CANX: variants seen among roughly 807,000 people sequenced by gnomAD.
The protein encoded by CANX is calnexin, also known as epididymis secretory sperm binding protein.
Under a neutral mutation model 75.7 loss-of-function variants are expected in CANX, and 14 were observed. The observed-to-expected ratio is 0.19, with a 90% CI of 0.12 to 0.29. The LOEUF (loss-of-function observed/expected upper bound fraction) is 0.29. Among genes scored for constraint, CANX ranks in the 10% least tolerant of loss-of-function variants. The pLI is 1.00. For missense variants in CANX, 567 were observed against 713.2 expected (o/e 0.79, Z 2.34); for synonymous variants, 227 against 236.9 (o/e 0.96, Z 0.38).
intron 7 of CANX, among the ~76,000 whole-genome samples, chr5:179,715,487 G>A (rs1777878574): frequency 6.6e-6 from 1 of 151,526 alleles, no homozygotes; most frequent in Non-Finnish European, 1.5e-5. Context: ...GCAGTTAGCC[G>A]AGATCACACC....
At chr5:179,713,855 C>T (rs1339984278) in intron 7 of CANX, among the ~76,000 whole-genome samples, 1 of 152,140 alleles carries the variant, frequency 6.6e-6, no homozygotes, top group African/African-American at 2.4e-5. Context: ...TTCGAGATTG[C>T]AGTGAGCTAT....
intron 12 of CANX, among the ~76,000 whole-genome samples, chr5:179,724,053 C>A (rs975123602): frequency 3.3e-5 from 5 of 151,964 alleles, no homozygotes; most frequent in African/African-American, 9.7e-5. Context: ...TAAAAAAAAA[C>A]AATAAACTTA....
chr5:179,696,267 CTTTTTTTTT>C (rs34048949), upstream of CANX, among the ~76,000 whole-genome samples: 4,347 of 57,510 alleles, frequency 0.076, 97 homozygotes, highest in Middle Eastern at 0.13. Flanking sequence ...AGTGTCATTT[CTTTTTTTTT>C]TTTTTTTTTT....
At chr5:179,691,453 TC>T (rs1435956471) in intron 1 of CANX, among the ~76,000 whole-genome samples, 13 of 152,008 alleles carry the variant, frequency 8.6e-5, no homozygotes, top group Non-Finnish European at 2.9e-5. Context: ...ATGCCTGTAA[TC>T]CCAGCATTTT....
intron 8 of CANX, among the ~76,000 whole-genome samples, chr5:179,719,182 G>A (rs751711429): frequency 2.0e-5 from 3 of 152,184 alleles, no homozygotes; most frequent in East Asian, 3.8e-4. Context: ...TTGAGAAACT[G>A]CCAAACTGTT....
intron 1 of CANX, among the ~76,000 whole-genome samples, chr5:179,687,073 G>A (rs1018986824): frequency 1.1e-4 from 16 of 151,932 alleles, no homozygotes; most frequent in African/African-American, 3.4e-4. Context: ...CACTGCACCC[G>A]GCCTGCAGTT....
At chr5:179,719,158 T>G (rs1778150911) in intron 8 of CANX, among the ~76,000 whole-genome samples, 1 of 152,248 alleles carries the variant, frequency 6.6e-6, no homozygotes, top group African/African-American at 2.4e-5. Flanking sequence ...CTGGGTCATG[T>G]GGTAACTAAC....
At chr5:179,687,382 C>T (rs776696168) in intron 1 of CANX, among the ~76,000 whole-genome samples, 28 of 152,132 alleles carry the variant, frequency 1.8e-4, no homozygotes, top group Non-Finnish European at 3.8e-4. Flanking sequence ...GGATGACAGG[C>T]GTGAGCCACC....
chr5:179,684,531 G>T (rs1283682035), intron 1 of CANX, among the ~76,000 whole-genome samples: 1 of 151,280 alleles, frequency 6.6e-6, no homozygotes, highest in Admixed American at 6.6e-5. Context: ...TAGTAGAGAC[G>T]GGGTTTCACT....
rs779184219 is a variant in CANX at position 179,730,447 on chromosome 5, G to C, written c.*1803G>C. The C allele has an allele frequency of 6.6e-6, 1 of 152,164 alleles. No individual in the cohort carries two copies. Among genetic ancestry groups the C allele is most frequent in the Non-Finnish European group, 1.5e-5 (1 of 68,018 alleles). The allele number at this position is 152,164 out of a possible 1,614,324, so 9.4% of individuals were successfully genotyped here. On this transcript the variant is annotated 3_prime_UTR_variant, in exon 15 of 15. Coordinates refer to ENST00000247461, the MANE Select transcript of CANX (RefSeq NM_001746.4). ...ATTACAAATAAACAGTTGTTACTTA[G>C]CAAGACCTGAAAATATGTCTGCAGG...
chr5:179,721,518 G>A (rs1778311129), intron 10 of CANX, among the ~76,000 whole-genome samples: 1 of 152,222 alleles, frequency 6.6e-6, no homozygotes, highest in Non-Finnish European at 1.5e-5. Context: ...GCTGAGTCTG[G>A]ACAATCTGTG....
In CANX at chr5:179,726,698, A is replaced by T; in HGVS notation, c.1664A>T (p.Asp555Val). 1 of 1,613,514 alleles carries T rather than the reference A, an allele frequency of 6.2e-7. No homozygotes were observed. The highest frequency in any genetic ancestry group is 8.5e-7 in the Non-Finnish European group (1 of 1,179,414). The stretch of plus-strand genomic sequence containing the variant: ...GTCTTAGAAGAGAAACAGAAAAGTG[A>T]TGCTGAAGAAGATGGTGGCACTGTC... ...EEKLEEKQKS[D>V]AEEDGGTVSQ... The change falls in exon 14 of 15, where the codon GAT (aspartate) becomes GTT (valine). Residue 555 changes from aspartate (D) to valine (V), a missense_variant. By Grantham distance (152) the Asp-to-Val change is radical. This residue lies in a region of CANX where 167 missense variants were observed against 179.3 expected (regional missense o/e 0.93). Coordinates refer to ENST00000247461, the MANE Select transcript of CANX (RefSeq NM_001746.4).
chr5:179,703,107 T>A (rs1038288339), intron 1 of CANX, among the ~76,000 whole-genome samples: 19 of 152,172 alleles, frequency 1.2e-4, no homozygotes, highest in Non-Finnish European at 7.4e-5. Flanking sequence ...GAGACAGGGT[T>A]TTGCCATGTT....
intron 1 of CANX, among the ~76,000 whole-genome samples, chr5:179,686,776 TTTTG>T (rs1028087634): frequency 3.3e-5 from 5 of 151,970 alleles, no homozygotes; most frequent in East Asian, 3.9e-4. Flanking sequence ...AAATTGCAGT[TTTTG>T]TTTGTTTGTT....
intron 3 of CANX, among the ~76,000 whole-genome samples, chr5:179,706,611 T>G (rs1288997453): frequency 1.3e-5 from 2 of 151,862 alleles, no homozygotes; most frequent in Admixed American, 6.6e-5. Flanking sequence ...GCTGGCTAAT[T>G]TGTGTGTGTG....
chr5:179,701,603 G>A (rs1397130749), intron 1 of CANX, among the ~76,000 whole-genome samples: 2 of 151,884 alleles, frequency 1.3e-5, no homozygotes, highest in African/African-American at 4.8e-5. Flanking sequence ...AATGAACTGT[G>A]CAAATAGAAT....
chr5:179,684,827 G>T (rs1276523643), intron 1 of CANX, among the ~76,000 whole-genome samples: 1 of 151,116 alleles, frequency 6.6e-6, no homozygotes, highest in Non-Finnish European at 1.5e-5. Flanking sequence ...CATGATCTCA[G>T]CTCACTGCAA....
At chr5:179,698,797 A>G, upstream of CANX, 8 of 678,842 alleles carry the variant, frequency 1.2e-5, no homozygotes, top group Non-Finnish European at 1.7e-5. Context: ...ACACTCCACG[A>G]AGAATAGCCG....
intron 4 of CANX, among the ~76,000 whole-genome samples, chr5:179,707,599 A>AG (rs1442703657): frequency 6.6e-6 from 1 of 151,140 alleles, no homozygotes; most frequent in East Asian, 1.9e-4. Flanking sequence ...AAAAAAAAAA[A>AG]AAAAGATTTT....
Sources: gnomAD v4.1 joint callset for allele counts (sites outside exome capture counted in the v4.1 genomes callset) on GRCh38, gnomAD v4.1.1 for gene constraint, gnomAD v4.1.1 regional missense constraint, MANE v1.5 for transcripts, NCBI Gene and HGNC (gene_info 2026-07-23, HGNC 2026-07-21) for gene names.